Variants in ANOS1 observed in about 807,000 individuals in gnomAD.
ANOS1 encodes anosmin 1, also known as anosmin-1.
A neutral mutation model predicts 59.0 loss-of-function variants in ANOS1; 6 were observed. The ratio of observed to expected loss-of-function variants is 0.10; its 90% CI spans 0.06 to 0.20. The LOEUF is 0.20. Among genes scored for constraint, ANOS1 ranks in the 10% least tolerant of loss-of-function variants. ANOS1 has a pLI of 1.00. For missense variants in ANOS1, 433 were observed against 542.3 expected (o/e 0.80, Z 2.00); for synonymous variants, 217 against 223.4 (o/e 0.97, Z 0.25).
intron 6 of ANOS1, among the ~76,000 whole-genome samples, chrX:8,584,348 T>C (rs1930472854): frequency 9.0e-6 from 1 of 111,586 alleles, no homozygotes; most frequent in South Asian, 3.8e-4. Context: ...TATTTACAAT[T>C]TCACTTTAAA....
intron 1 of ANOS1, among the ~76,000 whole-genome samples, chrX:8,722,600 C>T: frequency 8.9e-6 from 1 of 112,109 alleles, no homozygotes; most frequent in South Asian, 3.7e-4. Flanking sequence ...CACACACACA[C>T]ACACATACAC....
intron 1 of ANOS1, among the ~76,000 whole-genome samples, chrX:8,715,959 G>A (rs1005386904): frequency 1.8e-5 from 2 of 110,419 alleles, no homozygotes; most frequent in Admixed American, 9.7e-5. Flanking sequence ...GACAGCCAGC[G>A]CGTCTGTAGA....
intron 2 of ANOS1, among the ~76,000 whole-genome samples, chrX:8,689,256 T>G (rs939377475): frequency 5.4e-5 from 6 of 111,503 alleles, no homozygotes. Flanking sequence ...TCTCATTTTT[T>G]TCTCTTCTTT....
intron 8 of ANOS1, chrX:8,566,019 G>C: frequency 1.3e-6 from 1 of 754,625 alleles, no homozygotes; most frequent in Non-Finnish European, 1.6e-6. Context: ...TCCTCACGCT[G>C]AGTTCTCTGC....
intron 2 of ANOS1, among the ~76,000 whole-genome samples, chrX:8,664,367 AT>A (rs769368086): frequency 1.8e-5 from 2 of 109,281 alleles, no homozygotes; most frequent in South Asian, 4.1e-4. Context: ...ATTTTTTTGT[AT>A]TTTTTTAGTA....
At chrX:8,615,212 AT>A (rs1188284677) in intron 3 of ANOS1, among the ~76,000 whole-genome samples, 1 of 111,877 alleles carries the variant, frequency 8.9e-6, no homozygotes, top group Non-Finnish European at 1.9e-5. Context: ...ATTTTTAAAA[AT>A]AAAAGCCTAT....
intron 1 of ANOS1, among the ~76,000 whole-genome samples, chrX:8,716,109 A>T (rs188106694): frequency 3.0e-4 from 33 of 111,784 alleles, no homozygotes; most frequent in African/African-American, 1.0e-3. Context: ...CAGAAAGGAA[A>T]AGAAGTTTAC....
chrX:8,593,615 TA>T (rs1420387373), intron 4 of ANOS1, among the ~76,000 whole-genome samples: 2 of 112,026 alleles, frequency 1.8e-5, no homozygotes, highest in Non-Finnish European at 3.8e-5. Context: ...TTTGTTGGAT[TA>T]AAAATATTCT....
rs1929549277 is a variant in ANOS1, at chrX:8,534,213, T to C, written c.1984+106A>G. ...AGATGATGACAATTTCCCTATCTCA[T>C]AGAAACCTGTACTAGTGTATTTATT... On this transcript the variant is annotated intron_variant, in intron 13 of 13. Coordinates refer to ENST00000262648, the MANE Select transcript of ANOS1 (RefSeq NM_000216.4). 3 of 840,805 alleles carry C rather than the reference T, an allele frequency of 3.6e-6. No individual in the cohort carries two copies. The South Asian group carries it at 6.4e-5, about 18-fold the overall frequency. 69.3% of individuals were successfully genotyped at this position (840,805 alleles called of 1,213,427 possible). A position where few individuals can be genotyped will look rare whatever the true frequency, so the allele number is the denominator to read the frequency against.
At chrX:8,608,297 A>C (rs953408924) in intron 3 of ANOS1, among the ~76,000 whole-genome samples, 2 of 112,068 alleles carry the variant, frequency 1.8e-5, no homozygotes, top group Admixed American at 9.5e-5. Flanking sequence ...ATTTTACAAG[A>C]AACAATAGGA....
intron 6 of ANOS1, among the ~76,000 whole-genome samples, chrX:8,573,736 C>T (rs1930272572): frequency 9.0e-6 from 1 of 111,163 alleles, no homozygotes; most frequent in African/African-American, 3.3e-5. Context: ...CAACACATAT[C>T]CTACCACACA....
At chrX:8,652,080 A>T in intron 2 of ANOS1, among the ~76,000 whole-genome samples, 1 of 111,143 alleles carries the variant, frequency 9.0e-6, no homozygotes. Flanking sequence ...AGTAGCTGGG[A>T]CTACAAGCAT....
chrX:8,621,559 C>T (rs909035432), intron 3 of ANOS1, among the ~76,000 whole-genome samples: 5 of 111,575 alleles, frequency 4.5e-5, no homozygotes, highest in Admixed American at 1.9e-4. Flanking sequence ...ACCCACAAGC[C>T]TATAACACAT....
intron 9 of ANOS1, among the ~76,000 whole-genome samples, chrX:8,547,056 T>C (rs1283375893): frequency 8.9e-6 from 1 of 112,085 alleles, no homozygotes; most frequent in Non-Finnish European, 1.9e-5. Flanking sequence ...CTGCTGTCTC[T>C]AATTCATGAT....
chrX:8,606,946 C>T (rs969007588), intron 3 of ANOS1, among the ~76,000 whole-genome samples: 17 of 112,294 alleles, frequency 1.5e-4, no homozygotes, highest in Admixed American at 2.8e-4. Flanking sequence ...GGCAAAGCCT[C>T]ACCTCTACTA....
chrX:8,672,345 C>T (rs1021125400), intron 2 of ANOS1, among the ~76,000 whole-genome samples: 2 of 112,022 alleles, frequency 1.8e-5, no homozygotes, highest in Admixed American at 1.9e-4. Flanking sequence ...ATGTGAACTG[C>T]CTCCATGGTC....
intron 1 of ANOS1, among the ~76,000 whole-genome samples, chrX:8,718,221 C>T (rs1020379647): frequency 1.8e-5 from 2 of 110,961 alleles, no homozygotes; most frequent in African/African-American, 6.6e-5. Flanking sequence ...TTTGAGGACA[C>T]AGTCTCACTC....
intron 6 of ANOS1, among the ~76,000 whole-genome samples, chrX:8,576,469 CACACACACACACACACACACAT>C (rs1362888949): frequency 8.6e-5 from 8 of 92,963 alleles, no homozygotes; most frequent in African/African-American, 3.9e-4. Context: ...TATATATATA[CACACACACACACACACACACAT>C]ACACACACAC....
chrX:8,637,479 G>A (rs1159940139), intron 2 of ANOS1, among the ~76,000 whole-genome samples: 3 of 111,788 alleles, frequency 2.7e-5, no homozygotes, highest in Non-Finnish European at 5.6e-5. Flanking sequence ...AAAGAAAAAA[G>A]GAGTAGCTCA....
Sources: gnomAD v4.1 joint callset for allele counts (sites outside exome capture counted in the v4.1 genomes callset) on GRCh38, gnomAD v4.1.1 for gene constraint, MANE v1.5 for transcripts, NCBI Gene and HGNC (gene_info 2026-07-23, HGNC 2026-07-21) for gene names.